SYNE1: variants seen among roughly 807,000 people sequenced by gnomAD.
SYNE1 encodes spectrin repeat containing nuclear envelope protein 1.
In SYNE1, 616 loss-of-function variants were observed where a neutral mutation model predicts 1,111.0. The observed-to-expected ratio is 0.55, with a 90% confidence interval of 0.52 to 0.59. SYNE1 has a LOEUF of 0.59. SYNE1 is among the 20% of genes least tolerant of loss of function. The probability of loss-of-function intolerance (pLI) is 0.00; values close to 1 mark genes in which losing one functional copy is unlikely to be tolerated. For missense variants in SYNE1, 10,006 were observed against 10,417.0 expected (o/e 0.96, Z 1.72); for synonymous variants, 3,855 against 3,825.8 (o/e 1.01, Z -0.28).
At chr6:152,287,798 C>T (rs1215757375) in intron 95 of SYNE1, among the ~76,000 whole-genome samples, 1 of 152,196 alleles carries the variant, frequency 6.6e-6, no homozygotes, top group Non-Finnish European at 1.5e-5. Flanking sequence ...CTGCCCGCTT[C>T]AGCCTCCCAA....
At chr6:152,133,609 A>G in intron 142 of SYNE1, 121 bp from the exon 143 acceptor site, 1 of 967,118 alleles carries the variant, frequency 1.0e-6, no homozygotes, top group Non-Finnish European at 1.6e-6. Context: ...TCAAACGTGG[A>G]GCTCACACAC....
chr6:152,309,978 G>C lies in SYNE1; in HGVS notation c.17059C>G (p.Gln5687Glu). The C allele has an allele frequency of 6.2e-7, 1 of 1,614,064 alleles. No individual in the cohort carries two copies. Residue 5687 changes from glutamine to glutamate, a missense_variant, in exon 90 of 146, where the codon CAA (glutamine) becomes GAA (glutamate). By Grantham distance (29) the Gln-to-Glu change is conservative (BLOSUM62 2). Around this residue, in one of 7 missense-constraint regions of SYNE1, gnomAD observed 4,955 missense variants for 5,017.2 expected, o/e 0.99. Transcript: ENST00000367255. ...GCACTCTGGCAGAGCTGCACTGCTT[G>C]CACCTTCGGCTTCAGTGACTCCATC... is the stretch of plus-strand genomic sequence containing the variant. ...SEMESLKPKV[Q>E]AVQLCQSALR...
intron 137 of SYNE1, chr6:152,147,436 G>C (rs1257554937): frequency 6.6e-6 from 1 of 152,344 alleles, no homozygotes; most frequent in Admixed American, 6.5e-5. Flanking sequence ...CAGGATAGGA[G>C]CCACAGCTCT....
chr6:152,259,259 C>T (rs1159125225), intron 101 of SYNE1, among the ~76,000 whole-genome samples: 4 of 152,090 alleles, frequency 2.6e-5, no homozygotes, highest in Non-Finnish European at 4.4e-5. Context: ...CTTATGGATC[C>T]TGTCATAGTT....
chr6:152,354,609 G>T (rs1039916843), intron 67 of SYNE1, 50 bp downstream of exon 67: 16 of 1,601,496 alleles, frequency 1.0e-5, no homozygotes, highest in East Asian at 4.5e-5. Context: ...AACAAACTAT[G>T]CAAGGTAACT....
At chr6:152,208,678 A>G (rs1443310520) in intron 124 of SYNE1, among the ~76,000 whole-genome samples, 2 of 152,208 alleles carry the variant, frequency 1.3e-5, no homozygotes, top group Non-Finnish European at 1.5e-5. Context: ...CTTGAATCAA[A>G]TTATGTAATT....
In SYNE1 at chr6:152,255,631, AG is replaced by A; in HGVS notation, c.19219del (p.Leu6407PhefsTer62). ...ACAAGTCTCTGTTTCTTCTGGTAAAAGTGCTGTGGCAACAAATAAACGTTCT... is the reference window on the plus strand; with the variant it reads ...ACAAGTCTCTGTTTCTTCTGGTAAAATGCTGTGGCAACAAATAAACGTTCT... The part of the protein sequence containing the change: ...VEERLFVATA[L>X]LPEETETCLF... On this transcript the variant is annotated frameshift_variant, in exon 103 of 146. Transcript: ENST00000367255. LOFTEE classifies it high-confidence loss of function. 1 of 1,614,232 alleles carries A rather than the reference AG, an allele frequency of 6.2e-7. No homozygotes were observed. The highest frequency in any genetic ancestry group is 8.5e-7 in the Non-Finnish European group (1 of 1,180,042).
chr6:152,521,285 A>G (rs2099137877), intron 5 of SYNE1, among the ~76,000 whole-genome samples: 1 of 152,086 alleles, frequency 6.6e-6, no homozygotes, highest in South Asian at 2.1e-4. Context: ...TGCTATTTCC[A>G]GGTTATTGAT....
At chr6:152,280,412 C>T (rs1256709174) in intron 97 of SYNE1, among the ~76,000 whole-genome samples, 1 of 152,000 alleles carries the variant, frequency 6.6e-6, no homozygotes, top group Non-Finnish European at 1.5e-5. Flanking sequence ...AATTCAGAAA[C>T]TTTCTTAAAA....
intron 8 of SYNE1, among the ~76,000 whole-genome samples, chr6:152,507,671 C>T (rs1033809328): frequency 6.6e-6 from 1 of 152,104 alleles, no homozygotes; most frequent in Non-Finnish European, 1.5e-5. Context: ...TTACTTCAAG[C>T]TGCTTTTAAA....
chr6:152,262,220 A>G (rs1478824861), intron 100 of SYNE1, 32 bp from the exon 101 acceptor site: 6 of 1,605,504 alleles, frequency 3.7e-6, no homozygotes, highest in African/African-American at 2.7e-5. Flanking sequence ...TAAGTTTACA[A>G]TGTGCACAAA....
intron 3 of SYNE1, among the ~76,000 whole-genome samples, chr6:152,570,889 T>C (rs901770416): frequency 6.6e-6 from 1 of 152,118 alleles, no homozygotes; most frequent in Non-Finnish European, 1.5e-5. Flanking sequence ...TAAGCATCTA[T>C]CTAGGAGCTC....
intron 34 of SYNE1, among the ~76,000 whole-genome samples, 178 bp from the exon 35 acceptor site, chr6:152,430,887 T>G (rs373757053): frequency 1.1e-3 from 170 of 152,236 alleles, no homozygotes; most frequent in African/African-American, 3.7e-3. Context: ...GCCGAAAATG[T>G]CTGCAAAATA....
intron 142 of SYNE1, chr6:152,134,669 A>C (rs1439434953): frequency 8.9e-6 from 2 of 223,982 alleles, no homozygotes; most frequent in Non-Finnish European, 1.8e-5. Flanking sequence ...CAACAGAGTG[A>C]GACTCTGTCT....
chr6:152,341,164 T>C (rs567365910), intron 74 of SYNE1, among the ~76,000 whole-genome samples: 2 of 152,270 alleles, frequency 1.3e-5, no homozygotes, highest in East Asian at 3.9e-4. Flanking sequence ...ACCTTTTCAA[T>C]TGAATGTACA....
chr6:152,249,011 T>C (rs975236806), intron 105 of SYNE1, 150 bp downstream of exon 105: 1 of 678,008 alleles, frequency 1.5e-6, no homozygotes, highest in Non-Finnish European at 2.7e-6. Flanking sequence ...TCACCTGGTA[T>C]GTTATTCAAA....
chr6:152,489,957 G>A (rs559982304), intron 11 of SYNE1, among the ~76,000 whole-genome samples: 53 of 152,262 alleles, frequency 3.5e-4, no homozygotes, highest in African/African-American at 1.2e-3. Flanking sequence ...ATCATATATT[G>A]AGAACACTTC....
chr6:152,165,210 C>T (rs897449033), intron 130 of SYNE1, among the ~76,000 whole-genome samples: 4 of 152,078 alleles, frequency 2.6e-5, no homozygotes, highest in Non-Finnish European at 4.4e-5. Flanking sequence ...GGTTCTGATA[C>T]GTTTCTCTGA....
chr6:152,448,841 A>C (rs370999347), intron 28 of SYNE1, among the ~76,000 whole-genome samples: 1 of 151,600 alleles, frequency 6.6e-6, no homozygotes, highest in Non-Finnish European at 1.5e-5. Flanking sequence ...CTTGTCTCAA[A>C]AAACAAACAA....
Sources: allele counts gnomAD v4.1 joint callset (sites outside exome capture counted in the v4.1 genomes callset), GRCh38; gene constraint gnomAD v4.1.1; regional missense constraint gnomAD v4.1.1; transcripts MANE v1.5; gene names NCBI Gene and HGNC (gene_info 2026-07-23, HGNC 2026-07-21).